AKAP13: variants seen among roughly 807,000 people sequenced by gnomAD.
The protein encoded by AKAP13 is A-kinase anchor protein 13.
A neutral mutation model predicts 264.5 loss-of-function variants in AKAP13; 80 were observed. The observed-to-expected ratio is 0.30, with a 90% CI of 0.25 to 0.36. AKAP13 has a LOEUF of 0.36. Among genes scored for constraint, AKAP13 ranks in the 10% least tolerant of loss-of-function variants. The pLI is 1.00. For synonymous variants in AKAP13, 1,380 were observed against 1,250.2 expected (o/e 1.10, Z -2.19); for missense variants, 3,712 against 3,435.2 (o/e 1.08, Z -2.01).
intron 8 of AKAP13, among the ~76,000 whole-genome samples, chr15:85,612,503 T>TTGA (rs2151393015): frequency 6.6e-6 from 1 of 152,284 alleles, no homozygotes; most frequent in South Asian, 2.1e-4. Context: ...TTCATTTGAA[T>TTGA]TGACTATTTG....
chr15:85,419,754 AT>A (rs1414466361), intron 1 of AKAP13, among the ~76,000 whole-genome samples: 1 of 152,116 alleles, frequency 6.6e-6, no homozygotes, highest in Non-Finnish European at 1.5e-5. Flanking sequence ...CAACATATGT[AT>A]GTAATCTATT....
rs367697135 is a variant in AKAP13 at position 85,563,290 on chromosome 15, C to T, written c.663-11841C>T. Among the ~76,000 whole-genome samples, 29 of 139,754 alleles carry T rather than the reference C, an allele frequency of 2.1e-4. No homozygotes were observed. In the East Asian group the frequency reaches 5.2e-3, roughly 25 times the overall value. The allele number at this position is 139,754 out of a possible 152,430, so 91.7% of individuals were successfully genotyped here. On this transcript the variant is annotated intron_variant, in intron 5 of 36. Coordinates refer to ENST00000394518, the MANE Select transcript of AKAP13 (RefSeq NM_007200.5). ...GTGGGCATGCCATTTTCCAGCCTGT[C>T]GGAATCAATATTGTCCTTCATTTGA...
intron 8 of AKAP13, among the ~76,000 whole-genome samples, chr15:85,622,521 G>C (rs913481526): frequency 1.3e-5 from 2 of 152,166 alleles, no homozygotes; most frequent in African/African-American, 4.8e-5. Context: ...CTATGGGGAG[G>C]ATGCCTTACC....
chr15:85,652,945 C>G (rs369076238), intron 10 of AKAP13, among the ~76,000 whole-genome samples: 2 of 152,196 alleles, frequency 1.3e-5, no homozygotes, highest in South Asian at 2.1e-4. Flanking sequence ...TAACTAATTA[C>G]ATCTGCAAAG....
rs1596328480 is a variant in AKAP13, at chr15:85,492,600, C to T, written c.33+6847C>T. On this transcript the variant is annotated intron_variant, in intron 2 of 36. Transcript: ENST00000394518. ...AGAATGAAGACATTCTGCTTCATAA[C>T]CACAGTATAATTAACAAAAAACAGG... 2.0e-5 allele frequency among the ~76,000 whole-genome samples: 3 copies of T among 152,174 alleles called. No homozygotes were observed. The East Asian group carries it at 5.8e-4, about 29-fold the overall frequency.
intron 33 of AKAP13, among the ~76,000 whole-genome samples, chr15:85,736,719 T>TC (rs896796905): frequency 6.6e-6 from 1 of 152,068 alleles, no homozygotes; most frequent in African/African-American, 2.4e-5. Flanking sequence ...TAATGAGCTT[T>TC]CTCTAAATAG....
intron 2 of AKAP13, among the ~76,000 whole-genome samples, chr15:85,490,941 A>G (rs1318966924): frequency 2.0e-5 from 3 of 152,178 alleles, no homozygotes; most frequent in South Asian, 2.1e-4. Context: ...TTTGAGGGGC[A>G]TGTCATTTAG....
At chr15:85,541,254 A>G (rs2077572410) in intron 4 of AKAP13, among the ~76,000 whole-genome samples, 1 of 152,246 alleles carries the variant, frequency 6.6e-6, no homozygotes, top group Admixed American at 6.5e-5. Context: ...TTTGGGGTGA[A>G]GTGGACTGAT....
chr15:85,729,076 G>A (rs1056718410), intron 29 of AKAP13, among the ~76,000 whole-genome samples: 23 of 151,762 alleles, frequency 1.5e-4, no homozygotes, highest in African/African-American at 3.4e-4. Flanking sequence ...CACGGCGGGC[G>A]GATCACAAGG....
chr15:85,388,039 C>CTTT (rs59619317), intron 1 of AKAP13, among the ~76,000 whole-genome samples: 3 of 143,784 alleles, frequency 2.1e-5, no homozygotes, highest in Admixed American at 6.9e-5. Context: ...CTTTCATTTC[C>CTTT]TTTTTTTTTT....
intron 14 of AKAP13, among the ~76,000 whole-genome samples, chr15:85,673,981 G>A (rs1033916870): frequency 4.6e-5 from 7 of 151,288 alleles, no homozygotes; most frequent in African/African-American, 1.2e-4. Context: ...GTGAGCCACC[G>A]TGCCCGACCC....
intron 35 of AKAP13, among the ~76,000 whole-genome samples, chr15:85,742,094 G>A (rs1031457953): frequency 6.6e-6 from 1 of 152,204 alleles, no homozygotes; most frequent in African/African-American, 2.4e-5. Flanking sequence ...GAGAGGCAGA[G>A]GCAGAAAGTC....
Position 85,718,860 on chromosome 15 carries a change from C to A in AKAP13, c.6002-216C>A. ...GGCTGCAATGAGCCATGACTTCAGC[C>A]TGCACTTCAGCCTGGGTGACAGAGC... On this transcript the variant is annotated intron_variant, in intron 22 of 36. Coordinates refer to ENST00000394518, the MANE Select transcript of AKAP13 (RefSeq NM_007200.5). The surrounding 1 kb of genome is among the most constrained non-coding windows in gnomAD (Gnocchi z 4.9). 1.8e-6 allele frequency: 1 copy of A among 545,292 alleles called. No homozygotes were observed. The highest frequency in any genetic ancestry group is 3.6e-5 in the East Asian group (1 of 27,872). The allele number at this position is 545,292 out of a possible 1,614,324, so 33.8% of individuals were successfully genotyped here.
At chr15:85,420,027 C>T (rs1222912894) in intron 1 of AKAP13, among the ~76,000 whole-genome samples, 59 of 149,514 alleles carry the variant, frequency 3.9e-4, no homozygotes, top group African/African-American at 1.3e-3. Context: ...CTGCAAGCTC[C>T]GCCTCCCGGG....
At chr15:85,738,092 G>C (rs1163654226) in intron 33 of AKAP13, among the ~76,000 whole-genome samples, 3 of 151,876 alleles carry the variant, frequency 2.0e-5, no homozygotes, top group Admixed American at 6.6e-5. Context: ...TGTTACTTCT[G>C]TTTATTAAGA....
Position 85,543,868 on chromosome 15 carries a change from C to T in AKAP13, c.575C>T (p.Ala192Val), listed in dbSNP as rs114660587. Residue 192 changes from alanine (A) to valine (V), a missense_variant, in exon 5 of 37, where the codon GCT becomes GTT. Ala to Val is a moderately conservative substitution (Grantham distance 64). Transcript: ENST00000394518. ...TTGCAGAAGCCAGGTGGCCGCGGAG[C>T]TCTCAGTATCCACAACCAGGAAGGG... ...FLLQKPGGRG[A>V]LSIHNQEGAT... 1.8e-4 allele frequency: 297 copies of T among 1,614,102 alleles called. 1 individual carries two copies. In the African/African-American group the frequency reaches 3.7e-3, roughly 20 times the overall value.
intron 13 of AKAP13, among the ~76,000 whole-genome samples, chr15:85,668,807 G>A (rs1311826085): frequency 1.3e-5 from 2 of 152,124 alleles, no homozygotes; most frequent in Non-Finnish European, 2.9e-5. Flanking sequence ...GCTGGGCGTG[G>A]TGGTGCACCC....
intron 2 of AKAP13, among the ~76,000 whole-genome samples, chr15:85,513,824 C>G (rs1396162408): frequency 1.1e-5 from 1 of 88,488 alleles, no homozygotes; most frequent in African/African-American, 5.6e-5. Flanking sequence ...GCTTAATAGA[C>G]TGTTTCTCAT....
chr15:85,520,243 C>T (rs1402585477), intron 2 of AKAP13, among the ~76,000 whole-genome samples: 2 of 151,900 alleles, frequency 1.3e-5, no homozygotes, highest in Non-Finnish European at 2.9e-5. Flanking sequence ...CTCCTGTAAT[C>T]CTAGCACTTT....
Sources: allele counts gnomAD v4.1 joint callset (sites outside exome capture counted in the v4.1 genomes callset), GRCh38; gene constraint gnomAD v4.1.1; non-coding constraint Gnocchi (gnomAD v3.1); transcripts MANE v1.5; gene names NCBI Gene and HGNC (gene_info 2026-07-23, HGNC 2026-07-21).